Variants in FRAS1 observed in about 807,000 individuals in gnomAD.
FRAS1 encodes the protein Fraser extracellular matrix complex subunit 1.
Under a neutral mutation model 435.2 loss-of-function variants are expected in FRAS1, and 290 were observed. That is an observed-to-expected ratio of 0.67 (90% CI 0.61 to 0.73). The LOEUF is 0.73. Among genes scored for constraint, FRAS1 ranks in the 30% least tolerant of loss-of-function variants. The pLI, the probability that FRAS1 is intolerant of heterozygous loss-of-function variation, is 0.00. For synonymous variants in FRAS1, 1,800 were observed against 1,851.0 expected (o/e 0.97, Z 0.71); for missense variants, 4,860 against 5,001.5 (o/e 0.97, Z 0.85).
At chr4:78,077,604 C>T (rs1740704496) in intron 2 of FRAS1, among the ~76,000 whole-genome samples, 1 of 151,638 alleles carries the variant, frequency 6.6e-6, no homozygotes, top group African/African-American at 2.4e-5. Flanking sequence ...ATCCCCACAC[C>T]CTTCCGAGTC....
intron 23 of FRAS1, among the ~76,000 whole-genome samples, chr4:78,370,873 T>C (rs1440375858): frequency 2.6e-5 from 4 of 152,202 alleles, no homozygotes; most frequent in Non-Finnish European, 4.4e-5. Context: ...CTCCTGTCCA[T>C]TTCCTCATTC....
intron 9 of FRAS1, among the ~76,000 whole-genome samples, chr4:78,271,339 G>A (rs1353026341): frequency 2.0e-5 from 3 of 151,508 alleles, no homozygotes; most frequent in African/African-American, 7.3e-5. Context: ...TATACTTTAA[G>A]TTCTGGGGTG....
intron 20 of FRAS1, among the ~76,000 whole-genome samples, chr4:78,343,683 G>A (rs945113497): frequency 2.0e-5 from 3 of 152,150 alleles, no homozygotes; most frequent in Non-Finnish European, 2.9e-5. Context: ...AATTTAAAGA[G>A]CAACACATCT....
intron 47 of FRAS1, among the ~76,000 whole-genome samples, chr4:78,460,483 A>T (rs1022312187): frequency 6.6e-6 from 1 of 152,248 alleles, no homozygotes; most frequent in Non-Finnish European, 1.5e-5. Flanking sequence ...GAGCAGATGA[A>T]GTCTTCCAAA....
rs909643032 is a variant in FRAS1 at position 78,057,833 on chromosome 4, G to C, written c.-177G>C. 2.4e-5 allele frequency: 14 copies of C among 589,738 alleles called. No individual in the cohort carries two copies. Among genetic ancestry groups the C allele is most frequent in the Admixed American group, 1.8e-4 (6 of 33,422 alleles). The allele number at this position is 589,738 out of a possible 1,614,324, so 36.5% of individuals were successfully genotyped here. A position where few individuals can be genotyped will look rare whatever the true frequency, so the allele number is the denominator to read the frequency against. On this transcript the variant is annotated 5_prime_UTR_variant, in exon 1 of 74. Transcript: ENST00000512123. The surrounding 1 kb of genome is among the most constrained non-coding windows in gnomAD (Gnocchi z 4.2). ...GAATTGAACCCCAGCCCGCTCCGGC[G>C]CCTCCGGGCTGATGAGTGTCGCTCT... is the stretch of plus-strand genomic sequence containing the variant.
At chr4:78,455,258 C>A (rs1578335006) in intron 47 of FRAS1, among the ~76,000 whole-genome samples, 1 of 108,188 alleles carries the variant, frequency 9.2e-6, no homozygotes, top group East Asian at 2.2e-4. Context: ...AAAATTTAGC[C>A]AAGTGTGATT....
In FRAS1 at chr4:78,475,486, G is replaced by A. The variant is rs531811308; in HGVS notation, c.7731G>A (p.Arg2577=). ...KAGSVSVTVQ[R]TGNLNQYAIV... is the part of the protein sequence containing the mutation. Reference sequence around the variant, plus strand: ...GGTCTGTCAGTGTCACGGTGCAGAGGACTGGGAACCTGAACCAATATGCCA... The same window carrying A: ...GGTCTGTCAGTGTCACGGTGCAGAGAACTGGGAACCTGAACCAATATGCCA... Residue 2577 remains arginine, a synonymous_variant, in exon 54 of 74, where the codon AGG becomes AGA. Coordinates refer to ENST00000512123, the MANE Select transcript of FRAS1 (RefSeq NM_025074.7). 6.2e-7 allele frequency: 1 copy of A among 1,613,958 alleles called. No homozygotes were observed. Among genetic ancestry groups the A allele is most frequent in the Non-Finnish European group, 8.5e-7 (1 of 1,179,844 alleles).
chr4:78,389,252 TAAAC>T (rs1732350631), intron 29 of FRAS1, among the ~76,000 whole-genome samples: 1 of 152,254 alleles, frequency 6.6e-6, no homozygotes, highest in African/African-American at 2.4e-5. Context: ...ACATAAATCT[TAAAC>T]AACCTTTTAT....
At chr4:78,274,374 T>A (rs571607338) in intron 9 of FRAS1, among the ~76,000 whole-genome samples, 1 of 152,350 alleles carries the variant, frequency 6.6e-6, no homozygotes, top group African/African-American at 2.4e-5. Context: ...ATGTGTTTGC[T>A]CTTGCTTCTC....
rs149702416 is a variant in FRAS1, at chr4:78,539,785, T to A, written c.11445+345T>A. On this transcript the variant is annotated intron_variant, in intron 73 of 73. Coordinates refer to ENST00000512123, the MANE Select transcript of FRAS1 (RefSeq NM_025074.7). ...GATTTTCACGGACATATGAAAAACATTTAAAAAATCATAATACAATACAGC... is the reference window on the plus strand; with the variant it reads ...GATTTTCACGGACATATGAAAAACAATTAAAAAATCATAATACAATACAGC... 8.9e-3 allele frequency among the ~76,000 whole-genome samples: 1,361 copies of A among 152,312 alleles called. 25 individuals carry two copies. The highest frequency in any genetic ancestry group is 0.031 in the African/African-American group (1,299 of 41,560).
intron 38 of FRAS1, 61 bp from the exon 39 acceptor site, chr4:78,438,509 A>G: frequency 6.4e-7 from 1 of 1,553,816 alleles, no homozygotes; most frequent in Non-Finnish European, 8.9e-7. Flanking sequence ...ATCTTTAGCT[A>G]CTGGAAGTGT....
intron 2 of FRAS1, among the ~76,000 whole-genome samples, chr4:78,133,470 C>T (rs1203181358): frequency 1.3e-5 from 2 of 151,472 alleles, no homozygotes; most frequent in African/African-American, 4.9e-5. Context: ...ACAATAGAGT[C>T]ACTATGGTTT....
At chr4:78,125,498 A>G (rs1445050711) in intron 2 of FRAS1, among the ~76,000 whole-genome samples, 2 of 152,302 alleles carry the variant, frequency 1.3e-5, no homozygotes, top group Non-Finnish European at 2.9e-5. Context: ...GTAGATGTCT[A>G]TTAGGTCAGC....
chr4:78,256,084 C>G (rs1006238673), intron 6 of FRAS1, among the ~76,000 whole-genome samples: 3 of 152,114 alleles, frequency 2.0e-5, no homozygotes, highest in African/African-American at 7.2e-5. Context: ...TAAGGAAAAG[C>G]TGGAAGCCAA....
intron 2 of FRAS1, among the ~76,000 whole-genome samples, chr4:78,212,350 C>T (rs1408048324): frequency 6.6e-6 from 1 of 152,078 alleles, no homozygotes. Context: ...GGTAGTAGTG[C>T]CTCTTGTCTG....
At chr4:78,067,939 A>T (rs1302369591) in intron 2 of FRAS1, among the ~76,000 whole-genome samples, 1 of 150,588 alleles carries the variant, frequency 6.6e-6, no homozygotes, top group Non-Finnish European at 1.5e-5. Flanking sequence ...CCTGATCTCA[A>T]AGTGCTGGGA....
chr4:78,332,937 G>C (rs909211223), intron 18 of FRAS1, among the ~76,000 whole-genome samples: 1 of 152,210 alleles, frequency 6.6e-6, no homozygotes, highest in Non-Finnish European at 1.5e-5. Context: ...ATAGACAGCT[G>C]TCCCAAGGGA....
intron 2 of FRAS1, among the ~76,000 whole-genome samples, chr4:78,183,038 G>T (rs1722101864): frequency 6.6e-6 from 1 of 152,130 alleles, no homozygotes; most frequent in East Asian, 1.9e-4. Flanking sequence ...AGAGATAGAA[G>T]GAGCAGCTTA....
rs533960668 is a variant in FRAS1 at position 78,539,555 on chromosome 4, C to A, written c.11445+115C>A. The A allele has an allele frequency of 7.4e-5, 76 of 1,021,652 alleles. No individual in the cohort carries two copies. In the African/African-American group the frequency reaches 1.2e-3, roughly 16 times the overall value. The allele number at this position is 1,021,652 out of a possible 1,614,324, so 63.3% of individuals were successfully genotyped here. On this transcript the variant is annotated intron_variant, in intron 73 of 73. Coordinates refer to ENST00000512123, the MANE Select transcript of FRAS1 (RefSeq NM_025074.7). ...CTGGATTCTTCAACATTCTGCCATT[C>A]TTGCTGGCAGATCTTTTCTTATTGT...
Sources: gnomAD v4.1 joint callset for allele counts (sites outside exome capture counted in the v4.1 genomes callset) on GRCh38, gnomAD v4.1.1 for gene constraint, Gnocchi (gnomAD v3.1) non-coding constraint, MANE v1.5 for transcripts, NCBI Gene and HGNC (gene_info 2026-07-23, HGNC 2026-07-21) for gene names.